MRI1: variants seen among roughly 807,000 people sequenced by gnomAD.
MRI1 encodes methylthioribose-1-phosphate isomerase.
In MRI1, 32 loss-of-function variants were observed where a neutral mutation model predicts 27.3. That is an observed-to-expected ratio of 1.17 (90% confidence interval 0.88 to 1.57). MRI1 has a LOEUF of 1.57. Among genes scored for constraint, MRI1 ranks in the 40% most tolerant of loss-of-function variants. The pLI, the probability that MRI1 is intolerant of heterozygous loss-of-function variation, is 0.00. For synonymous variants in MRI1, 216 were observed against 227.4 expected (o/e 0.95, Z 0.45); for missense variants, 508 against 516.1 (o/e 0.98, Z 0.15).
At chr19:13,769,194 T>G in intron 5 of MRI1, 146 bp downstream of exon 5, 1 of 710,710 alleles carries the variant, frequency 1.4e-6, no homozygotes, top group South Asian at 2.0e-5. Context: ...GATGGAGTCT[T>G]GCTCTGTCCC....
intron 5 of MRI1, among the ~76,000 whole-genome samples, chr19:13,770,570 G>A (rs534242982): frequency 6.6e-6 from 1 of 151,446 alleles, no homozygotes; most frequent in African/African-American, 2.4e-5. Flanking sequence ...CTGGGTGACA[G>A]AGCGAAACTC....
intron 5 of MRI1, among the ~76,000 whole-genome samples, chr19:13,771,052 C>A (rs1196945575): frequency 2.0e-5 from 3 of 151,804 alleles, no homozygotes; most frequent in Non-Finnish European, 4.4e-5. Flanking sequence ...CATTGCCAGA[C>A]CACAATCTCT....
intron 3 of MRI1, 119 bp from the exon 4 acceptor site, chr19:13,768,442 T>C (rs753944966): frequency 3.2e-6 from 5 of 1,560,172 alleles, no homozygotes; most frequent in Non-Finnish European, 4.3e-6. Flanking sequence ...GGCGGGACTG[T>C]GCTCGGTAAG....
intron 2 of MRI1, 92 bp from the exon 3 acceptor site, chr19:13,765,861 AG>A: frequency 7.2e-7 from 1 of 1,383,634 alleles, no homozygotes; most frequent in Non-Finnish European, 9.8e-7. Flanking sequence ...TTTGAGCAGG[AG>A]GGCTCCAGGA....
Position 13,764,579 on chromosome 19 carries a change from C to CAA in MRI1, c.-10_-9insAA. The CAA allele has an allele frequency of 6.2e-7, 1 of 1,606,774 alleles. No individual in the cohort carries two copies. Among genetic ancestry groups the CAA allele is most frequent in the Middle Eastern group, 1.8e-4 (1 of 5,576 alleles). ...TCCCTCTGAGTTGCGCTGGGCTTGGCTGCTGCACCATGACCCTGGAGGCGA... is the reference window on the plus strand; with the variant it reads ...TCCCTCTGAGTTGCGCTGGGCTTGGCAATGCTGCACCATGACCCTGGAGGCGA... On this transcript the variant is annotated 5_prime_UTR_variant, in exon 1 of 6. The change creates a new upstream start codon in the 5' untranslated region. Transcript: ENST00000040663.
chr19:13,770,739 C>T (rs139036717), intron 5 of MRI1, among the ~76,000 whole-genome samples: 1,831 of 151,730 alleles, frequency 0.012, 31 homozygotes, highest in African/African-American at 0.042. Context: ...CAAAATTAGC[C>T]GGGCGTGGTG....
rs1190598922 is a variant in MRI1, at chr19:13,764,536, T to A, written c.-53T>A. On this transcript the variant is annotated 5_prime_UTR_variant, in exon 1 of 6. Transcript: ENST00000040663. Reference sequence around the variant, plus strand: ...CCCACGGCCCCGCCCCGCTCCCAAGTGCGCGCGGACCCCTAGCTCCCTCTG... The same window carrying A: ...CCCACGGCCCCGCCCCGCTCCCAAGAGCGCGCGGACCCCTAGCTCCCTCTG... The A allele has an allele frequency of 1.1e-5, 18 of 1,587,778 alleles. No homozygotes were observed. Among genetic ancestry groups the A allele is most frequent in the Non-Finnish European group, 1.5e-5 (17 of 1,168,480 alleles).
rs1373382291 is a variant in MRI1, at chr19:13,768,899, T to C, written c.800T>C (p.Ile267Thr). 1 of 1,614,058 alleles carries C rather than the reference T, an allele frequency of 6.2e-7. No homozygotes were observed. The highest frequency in any genetic ancestry group is 1.1e-5 in the South Asian group (1 of 91,084). ...AAGGTGGGCACCTACCAGCTGGCCA[T>C]TGTCGCCAAGCACCATGGCATTCCC... The part of the protein sequence containing the change: ...ANKVGTYQLA[I>T]VAKHHGIPFY... The change falls in exon 5 of 6, where the codon ATT (isoleucine) becomes ACT (threonine). Residue 267 changes from isoleucine to threonine, a missense_variant. Physicochemically the swap from Ile to Thr is moderately conservative, Grantham distance 89. Coordinates refer to ENST00000040663, the MANE Select transcript of MRI1 (RefSeq NM_001031727.4).
chr19:13,768,336 C>A, intron 3 of MRI1: 2 of 1,184,314 alleles, frequency 1.7e-6, no homozygotes, highest in Non-Finnish European at 1.2e-6. Flanking sequence ...GAAGGCTTCA[C>A]CGAGAAGGTG....
chr19:13,773,986 T>C lies in MRI1; in HGVS notation c.*1705T>C, dbSNP rs1044733. Reference sequence around the variant, plus strand: ...TTTGAAGAGGCTAGAACCCCGCACTTGTGCCTTGAGCTTACTGACCTCAAC... The same window carrying C: ...TTTGAAGAGGCTAGAACCCCGCACTCGTGCCTTGAGCTTACTGACCTCAAC... On this transcript the variant is annotated 3_prime_UTR_variant, in exon 6 of 6. Coordinates refer to ENST00000040663, the MANE Select transcript of MRI1 (RefSeq NM_001031727.4). 0.31 allele frequency: 47,606 copies of C among 155,702 alleles called. 7,777 individuals carry two copies. Among genetic ancestry groups the C allele is most frequent in the South Asian group, 0.44 (2,346 of 5,314 alleles). The allele number at this position is 155,702 out of a possible 1,614,324, so 9.6% of individuals were successfully genotyped here. A position where few individuals can be genotyped will look rare whatever the true frequency, so the allele number is the denominator to read the frequency against.
At chr19:13,765,834 C>G in intron 2 of MRI1, 120 bp from the exon 3 acceptor site, 1 of 1,165,868 alleles carries the variant, frequency 8.6e-7, no homozygotes, top group South Asian at 1.5e-5. Context: ...GGTCCAGGCC[C>G]CACAGCAATG....
intron 5 of MRI1, among the ~76,000 whole-genome samples, 168 bp downstream of exon 5, chr19:13,769,216 T>G (rs1287721574): frequency 6.6e-6 from 1 of 152,112 alleles, no homozygotes; most frequent in Non-Finnish European, 1.5e-5. Context: ...CAGGCTAGAG[T>G]GCAGTGGCAC....
Position 13,764,583 on chromosome 19 carries a change from T to C in MRI1, c.-6T>C, listed in dbSNP as rs760484995. The stretch of plus-strand genomic sequence containing the variant: ...TCTGAGTTGCGCTGGGCTTGGCTGC[T>C]GCACCATGACCCTGGAGGCGATCCG... On this transcript the variant is annotated 5_prime_UTR_variant, in exon 1 of 6. Coordinates refer to ENST00000040663, the MANE Select transcript of MRI1 (RefSeq NM_001031727.4). 1.9e-6 allele frequency: 3 copies of C among 1,607,764 alleles called. No homozygotes were observed. The highest frequency in any genetic ancestry group is 2.5e-6 in the Non-Finnish European group (3 of 1,178,340).
At position 13,766,600 on chromosome 19, in the gene MRI1, CAG is replaced by C. The variant is rs770704624; in HGVS notation, c.547+472_547+473del. On this transcript the variant is annotated intron_variant, in intron 3 of 5. Transcript: ENST00000040663. ...AGATTAGGTAGCTGTGACCAGGAGA[CAG>C]GGGGAGTGGGCTGTAGGGGGCCAAG... Among the ~76,000 whole-genome samples the C allele has an allele frequency of 2.1e-4, 32 of 152,184 alleles. No individual in the cohort carries two copies. The East Asian group carries it at 3.7e-3, about 17-fold the overall frequency.
chr19:13,766,872 A>G (rs1194548365), intron 3 of MRI1, among the ~76,000 whole-genome samples: 4 of 151,626 alleles, frequency 2.6e-5, no homozygotes, highest in Non-Finnish European at 5.9e-5. Flanking sequence ...AACAGTCAAC[A>G]GGCAAAATAA....
chr19:13,768,330 G>T (rs1351034746), intron 3 of MRI1: 1 of 1,083,932 alleles, frequency 9.2e-7, no homozygotes. Context: ...ATCAGGGAAG[G>T]CTTCACCGAG....
At position 13,773,000 on chromosome 19, in the gene MRI1, A is replaced by G. The variant is rs1274094325; in HGVS notation, c.*719A>G. On this transcript the variant is annotated 3_prime_UTR_variant, in exon 6 of 6. Transcript: ENST00000040663. ...ACCAAGATAAAAAATATTTTAAAGC[A>G]ATATTTTGTTTTGGGTTTTTTTTTT... is the stretch of plus-strand genomic sequence containing the variant. 6.9e-6 allele frequency: 1 copy of G among 144,802 alleles called. No individual in the cohort carries two copies. Among genetic ancestry groups the G allele is most frequent in the Non-Finnish European group, 1.5e-5 (1 of 67,118 alleles). The allele number at this position is 144,802 out of a possible 1,614,324, so 9.0% of individuals were successfully genotyped here. A position where few individuals can be genotyped will look rare whatever the true frequency, so the allele number is the denominator to read the frequency against.
intron 5 of MRI1, among the ~76,000 whole-genome samples, chr19:13,770,432 T>C (rs1974245916): frequency 6.7e-6 from 1 of 149,796 alleles, no homozygotes. Context: ...TAAAAAAATA[T>C]AAAAATTAGC....
At chr19:13,765,828 C>A in intron 2 of MRI1, 126 bp from the exon 3 acceptor site, 1 of 1,102,850 alleles carries the variant, frequency 9.1e-7, no homozygotes, top group Non-Finnish European at 1.3e-6. Flanking sequence ...CCGAAGGGTC[C>A]AGGCCCCACA....
Sources: allele counts gnomAD v4.1 joint callset (sites outside exome capture counted in the v4.1 genomes callset), GRCh38; gene constraint gnomAD v4.1.1; transcripts MANE v1.5; gene names NCBI Gene and HGNC (gene_info 2026-07-23, HGNC 2026-07-21).